DENND5A: variants seen among roughly 807,000 people sequenced by gnomAD.
DENND5A encodes DENN domain containing 5A, also known as DENN domain-containing protein 5A.
DENND5A carries 64 observed loss-of-function variants against 140.3 expected under a neutral mutation model. The observed-to-expected ratio is 0.46, with a 90% CI of 0.37 to 0.56. DENND5A has a LOEUF of 0.56. Among genes scored for constraint, DENND5A ranks in the 20% least tolerant of loss-of-function variants. The probability of loss-of-function intolerance (pLI) is 0.00; values close to 1 mark genes in which losing one functional copy is unlikely to be tolerated. For synonymous variants in DENND5A, 605 were observed against 607.7 expected, an observed-to-expected ratio of 1.00 and a Z score of 0.07; for missense variants, 1,292 against 1,593.8, an observed-to-expected ratio of 0.81 and a Z score of 3.22.
At chr11:9,189,208 T>C (rs907153241) in intron 5 of DENND5A, among the ~76,000 whole-genome samples, 7 of 152,332 alleles carry the variant, frequency 4.6e-5, no homozygotes, top group African/African-American at 1.4e-4. Context: ...CCACGTGGTA[T>C]TGAGCCTGCA....
chr11:9,141,908 G>A lies in DENND5A; in HGVS notation c.3680+32C>T, dbSNP rs781369574. 2.0e-5 allele frequency: 31 copies of A among 1,544,072 alleles called. No homozygotes were observed. The South Asian group carries it at 2.8e-4, about 14-fold the overall frequency. On this transcript the variant is annotated intron_variant, in intron 22 of 22. Coordinates refer to ENST00000328194, the MANE Select transcript of DENND5A (RefSeq NM_015213.4). ...TCCAACACCACCACCAAGGCTAACC[G>A]CTGTGCACTCTGGGCCCTGGGTCTG...
chr11:9,173,928 G>A lies in DENND5A; in HGVS notation c.1907-3151C>T, dbSNP rs187990472. On this transcript the variant is annotated intron_variant, in intron 8 of 22. Transcript: ENST00000328194. ...GAGATCAAGACCACGGTGAAACCCC[G>A]TCTCTACTAAAAATACAAAAAATTA... Among the ~76,000 whole-genome samples the A allele has an allele frequency of 2.9e-3, 444 of 151,688 alleles. 2 individuals are homozygous for A. The highest frequency in any genetic ancestry group is 0.01 in the African/African-American group (416 of 41,418).
chr11:9,241,896 C>A lies in DENND5A; in HGVS notation c.109+23065G>T, dbSNP rs541135460. ...GGGCATGGTGGCGCATGCCTGTAATCCTAGCTATTCGGGAGGCTGAGGCAG... is the reference window on the plus strand; with the variant it reads ...GGGCATGGTGGCGCATGCCTGTAATACTAGCTATTCGGGAGGCTGAGGCAG... On this transcript the variant is annotated intron_variant, in intron 1 of 22. Transcript: ENST00000328194. Among the ~76,000 whole-genome samples, 139 of 151,996 alleles carry A rather than the reference C, an allele frequency of 9.1e-4. 2 individuals are homozygous for A. The highest frequency in any genetic ancestry group is 3.2e-3 in the African/African-American group (131 of 41,468).
intron 8 of DENND5A, among the ~76,000 whole-genome samples, chr11:9,177,600 G>C (rs572991868): frequency 2.0e-5 from 3 of 152,034 alleles, no homozygotes; most frequent in African/African-American, 7.2e-5. Context: ...AAGCTGCAGT[G>C]AGCTATGTTC....
chr11:9,253,623 C>A (rs1851820992), intron 1 of DENND5A, among the ~76,000 whole-genome samples: 1 of 152,028 alleles, frequency 6.6e-6, no homozygotes, highest in South Asian at 2.1e-4. Context: ...AGTTGGGCAG[C>A]CAGGTGCGGT....
intron 4 of DENND5A, among the ~76,000 whole-genome samples, chr11:9,201,177 G>A (rs1849508419): frequency 6.6e-6 from 1 of 151,650 alleles, no homozygotes; most frequent in South Asian, 2.1e-4. Context: ...GCCAGCCTGG[G>A]CAATAAAGCA....
At chr11:9,264,349 A>G (rs1394957811) in intron 1 of DENND5A, among the ~76,000 whole-genome samples, 1 of 152,076 alleles carries the variant, frequency 6.6e-6, no homozygotes, top group African/African-American at 2.4e-5. Context: ...TTACTTTTCA[A>G]AAAAGGCATG....
At chr11:9,150,004 CCCCTT>C in intron 15 of DENND5A, 72 bp downstream of exon 15, 5 of 1,535,086 alleles carry the variant, frequency 3.3e-6, no homozygotes, top group Non-Finnish European at 3.5e-6. Flanking sequence ...CTGAATACTC[CCCCTT>C]CCCACACAAG....
At chr11:9,204,408 C>G in intron 3 of DENND5A, 91 bp from the exon 4 acceptor site, 1 of 1,258,714 alleles carries the variant, frequency 7.9e-7, no homozygotes, top group Non-Finnish European at 1.1e-6. Flanking sequence ...TTATAGAGCA[C>G]CTACTAAGCT....
intron 8 of DENND5A, 59 bp downstream of exon 8, chr11:9,178,073 G>C: frequency 1.7e-6 from 2 of 1,166,584 alleles, no homozygotes; most frequent in Non-Finnish European, 1.3e-6. Flanking sequence ...TTTAGGAAAA[G>C]GGACATGTTA....
At chr11:9,153,690 T>C (rs1847709615) in intron 12 of DENND5A, among the ~76,000 whole-genome samples, 1 of 152,174 alleles carries the variant, frequency 6.6e-6, no homozygotes, top group Non-Finnish European at 1.5e-5. Flanking sequence ...AAGGATTTAC[T>C]ATTGAAGGTA....
At position 9,145,692 on chromosome 11, in the gene DENND5A, T is replaced by G; in HGVS notation, c.2981A>C (p.Asn994Thr). The G allele has an allele frequency of 6.2e-7, 1 of 1,614,188 alleles. No individual in the cohort carries two copies. The highest frequency in any genetic ancestry group is 8.5e-7 in the Non-Finnish European group (1 of 1,180,016). Residue 994 changes from asparagine to threonine, a missense_variant, in exon 17 of 23, where the codon AAT becomes ACT. Transcript: ENST00000328194. Reference sequence around the variant, plus strand: ...TACCTCGAAGGTCATCTCTAGCACATTCCTGGGAATCTGCATGATCTGTGT... The same window carrying G: ...TACCTCGAAGGTCATCTCTAGCACAGTCCTGGGAATCTGCATGATCTGTGT... ...GETQIMQIPR[N>T]VLEMTFECQN...
intron 22 of DENND5A, 58 bp from the exon 23 acceptor site, chr11:9,139,912 G>A (rs947400108): frequency 3.2e-6 from 5 of 1,547,694 alleles, no homozygotes; most frequent in Non-Finnish European, 4.4e-6. Context: ...GGAAGAGAGA[G>A]CGTTAGTGCA....
At chr11:9,163,409 A>T (rs1848058543) in intron 11 of DENND5A, among the ~76,000 whole-genome samples, 1 of 152,186 alleles carries the variant, frequency 6.6e-6, no homozygotes, top group Non-Finnish European at 1.5e-5. Flanking sequence ...ATATTTTCCC[A>T]CATATTAACA....
intron 1 of DENND5A, among the ~76,000 whole-genome samples, chr11:9,239,243 G>C (rs774783825): frequency 6.6e-6 from 1 of 151,332 alleles, no homozygotes; most frequent in African/African-American, 2.4e-5. Context: ...CGTTGCCCAC[G>C]CTGGACTCAA....
intron 1 of DENND5A, among the ~76,000 whole-genome samples, chr11:9,249,084 C>T (rs907616669): frequency 3.3e-5 from 5 of 151,968 alleles, no homozygotes; most frequent in Admixed American, 1.3e-4. Context: ...AAAAATTAGC[C>T]GGGCGTGGTG....
intron 1 of DENND5A, among the ~76,000 whole-genome samples, chr11:9,263,447 C>G (rs942014830): frequency 3.2e-4 from 49 of 151,542 alleles, no homozygotes; most frequent in African/African-American, 1.2e-3. Flanking sequence ...GTCTCGAACT[C>G]CTGACCTCAG....
rs1293876799 is a variant in DENND5A at position 9,169,904 on chromosome 11, C to T, written c.2103G>A (p.Arg701=). ...NAPAQWRRKD[R]QKQHTEHLRL... ...GCAGGTGTTCTGTGTGCTGCTTCTG[C>T]CGATCTTTCCGCCTCCACTGGGCAG... is the stretch of plus-strand genomic sequence containing the variant. The change falls in exon 10 of 23, where the codon CGG becomes CGA. Residue 701 remains arginine, a synonymous_variant. Transcript: ENST00000328194. The T allele has an allele frequency of 1.2e-6, 2 of 1,613,842 alleles. No individual in the cohort carries two copies. Among genetic ancestry groups the T allele is most frequent in the Admixed American group, 3.3e-5 (2 of 60,018 alleles).
chr11:9,189,349 T>A (rs1436897323), intron 5 of DENND5A, among the ~76,000 whole-genome samples: 1 of 152,102 alleles, frequency 6.6e-6, no homozygotes, highest in African/African-American at 2.4e-5. Flanking sequence ...TCTGCTAGAG[T>A]AGTGCGGAAG....
Sources: allele counts gnomAD v4.1 joint callset (sites outside exome capture counted in the v4.1 genomes callset), GRCh38; gene constraint gnomAD v4.1.1; transcripts MANE v1.5; gene names NCBI Gene and HGNC (gene_info 2026-07-23, HGNC 2026-07-21).